Variants in CPQ observed in about 807,000 individuals in gnomAD.
CPQ encodes the protein carboxypeptidase Q.
CPQ carries 37 observed loss-of-function variants against 45.7 expected under a neutral mutation model. The observed-to-expected ratio is 0.81, with a 90% CI of 0.62 to 1.07. The LOEUF is 1.07. Ranked by LOEUF, CPQ falls within the 50% of genes least tolerant of loss-of-function variation. CPQ has a pLI of 0.00. For synonymous variants in CPQ, 186 were observed against 205.8 expected (o/e 0.90, Z 0.82); for missense variants, 537 against 572.9 (o/e 0.94, Z 0.64).
intron 5 of CPQ, among the ~76,000 whole-genome samples, chr8:96,996,775 T>C (rs1380106874): frequency 1.3e-5 from 2 of 152,046 alleles, no homozygotes; most frequent in African/African-American, 4.8e-5. Flanking sequence ...CAAAGAATTA[T>C]CATTAGGTCA....
chr8:96,816,058 A>G (rs1811225224), intron 2 of CPQ, among the ~76,000 whole-genome samples: 1 of 152,098 alleles, frequency 6.6e-6, no homozygotes, highest in African/African-American at 2.4e-5. Flanking sequence ...GACAACAATG[A>G]AGTTTGCTGC....
chr8:96,737,652 G>T (rs1810005827), intron 1 of CPQ, among the ~76,000 whole-genome samples: 1 of 152,140 alleles, frequency 6.6e-6, no homozygotes, highest in African/African-American at 2.4e-5. Context: ...TGACTCAAAT[G>T]TTAATCACTT....
chr8:96,981,868 GC>G (rs1025399982), intron 5 of CPQ, among the ~76,000 whole-genome samples: 10 of 152,224 alleles, frequency 6.6e-5, no homozygotes, highest in African/African-American at 2.2e-4. Flanking sequence ...AATCCTCAAA[GC>G]CGCCCTGTAA....
At chr8:97,031,865 T>C (rs1394037399) in intron 6 of CPQ, among the ~76,000 whole-genome samples, 1 of 152,218 alleles carries the variant, frequency 6.6e-6, no homozygotes, top group African/African-American at 2.4e-5. Context: ...AGTAACTCTT[T>C]ACCTCGCCTT....
At chr8:97,008,554 A>G (rs554311803) in intron 5 of CPQ, among the ~76,000 whole-genome samples, 3 of 152,222 alleles carry the variant, frequency 2.0e-5, no homozygotes, top group Admixed American at 1.3e-4. Flanking sequence ...CATAGGACTA[A>G]TCCCCAAGGA....
At chr8:96,820,848 C>T (rs1811293321) in intron 2 of CPQ, among the ~76,000 whole-genome samples, 1 of 151,960 alleles carries the variant, frequency 6.6e-6, no homozygotes, top group African/African-American at 2.4e-5. Flanking sequence ...ATTACTGGAT[C>T]ATATGGTGGT....
At chr8:97,103,822 G>T (rs1458006547) in intron 7 of CPQ, among the ~76,000 whole-genome samples, 3 of 152,168 alleles carry the variant, frequency 2.0e-5, no homozygotes, top group Non-Finnish European at 4.4e-5. Context: ...TAGAACATCA[G>T]AGGTATCCTA....
At chr8:96,751,481 G>A (rs1234369438) in intron 1 of CPQ, among the ~76,000 whole-genome samples, 2 of 152,190 alleles carry the variant, frequency 1.3e-5, no homozygotes, top group East Asian at 3.9e-4. Flanking sequence ...TTTTAATGGG[G>A]TTGTTTAATT....
At chr8:97,062,229 G>A (rs1190010621) in intron 6 of CPQ, among the ~76,000 whole-genome samples, 1 of 152,134 alleles carries the variant, frequency 6.6e-6, no homozygotes, top group Non-Finnish European at 1.5e-5. Context: ...CTTTAAAGGT[G>A]CTTGAAGCTT....
intron 1 of CPQ, among the ~76,000 whole-genome samples, chr8:96,668,415 A>G (rs543150966): frequency 3.9e-5 from 6 of 152,344 alleles, no homozygotes; most frequent in African/African-American, 1.4e-4. Context: ...AAAGCATTGC[A>G]GAAAAGTAAA....
intron 7 of CPQ, among the ~76,000 whole-genome samples, chr8:97,089,028 G>A (rs1390456888): frequency 2.0e-5 from 3 of 152,106 alleles, no homozygotes; most frequent in South Asian, 2.1e-4. Flanking sequence ...TGGATCACCT[G>A]AGGTTGGGAG....
chr8:97,108,451 G>C (rs577495799), intron 7 of CPQ, among the ~76,000 whole-genome samples: 19 of 152,204 alleles, frequency 1.2e-4, no homozygotes, highest in Non-Finnish European at 2.5e-4. Context: ...AAAAGAACTA[G>C]AAAGATGAAT....
At chr8:96,928,074 G>A (rs1207318906) in intron 4 of CPQ, among the ~76,000 whole-genome samples, 1 of 152,172 alleles carries the variant, frequency 6.6e-6, no homozygotes, top group Non-Finnish European at 1.5e-5. Flanking sequence ...TACAGCTGAA[G>A]TTCATCATGG....
At chr8:96,883,572 T>G (rs1233130253) in intron 4 of CPQ, among the ~76,000 whole-genome samples, 1 of 152,134 alleles carries the variant, frequency 6.6e-6, no homozygotes, top group African/African-American at 2.4e-5. Flanking sequence ...TAAAGTCAAG[T>G]CTGTGGTTGC....
intron 1 of CPQ, among the ~76,000 whole-genome samples, chr8:96,670,029 C>A (rs1007407625): frequency 6.6e-6 from 1 of 152,170 alleles, no homozygotes; most frequent in Non-Finnish European, 1.5e-5. Flanking sequence ...GAACTCATTG[C>A]CAAGAGCTCT....
intron 1 of CPQ, among the ~76,000 whole-genome samples, chr8:96,650,506 G>A (rs1815565484): frequency 1.3e-5 from 2 of 152,210 alleles, no homozygotes; most frequent in South Asian, 4.1e-4. Context: ...CTGGCATGAA[G>A]GAGGCTGCAG....
At chr8:97,092,973 TA>T (rs1162899434) in intron 7 of CPQ, 1 of 151,584 alleles carries the variant, frequency 6.6e-6, no homozygotes, top group African/African-American at 2.4e-5. Context: ...TTCAACAAAC[TA>T]AAAACAAACA....
chr8:96,982,853 G>A (rs1813929806), intron 5 of CPQ, among the ~76,000 whole-genome samples: 1 of 152,106 alleles, frequency 6.6e-6, no homozygotes, highest in Non-Finnish European at 1.5e-5. Context: ...CTCACAACTT[G>A]CAAAACTAGA....
intron 7 of CPQ, among the ~76,000 whole-genome samples, chr8:97,127,619 G>T (rs1242513952): frequency 2.6e-5 from 4 of 152,148 alleles, no homozygotes; most frequent in Non-Finnish European, 2.9e-5. Flanking sequence ...AACCTGGGAA[G>T]TGAAGGCTGC....
Sources: allele counts gnomAD v4.1 joint callset (sites outside exome capture counted in the v4.1 genomes callset), GRCh38; gene constraint gnomAD v4.1.1; transcripts MANE v1.5; gene names NCBI Gene and HGNC (gene_info 2026-07-23, HGNC 2026-07-21).